The following INTS2 variants were observed in gnomAD, a reference collection of about 807,000 sequenced individuals.
The protein encoded by INTS2 is integrator complex subunit 2, also known as KIAA1287.
INTS2 carries 57 observed loss-of-function variants against 139.6 expected under a neutral mutation model. The observed-to-expected ratio is 0.41, with a 90% CI of 0.33 to 0.51. INTS2 has a LOEUF of 0.51. INTS2 is among the 20% of genes least tolerant of loss of function. The probability of loss-of-function intolerance (pLI) is 0.28; values close to 1 mark genes in which losing one functional copy is unlikely to be tolerated. For missense variants in INTS2, 1,196 were observed against 1,436.7 expected (o/e 0.83, Z 2.71); for synonymous variants, 473 against 493.4 (o/e 0.96, Z 0.55).
rs992816976 is a variant in INTS2, at chr17:61,881,222, A to G, written c.2090-51T>C. On this transcript the variant is annotated intron_variant, in intron 16 of 24. Transcript: ENST00000251334. Reference sequence around the variant, plus strand: ...GGATTCTTCATGCTCAAACACCAGAAGCTTCCCCACCCCTCTCATTTTTAT... The same window carrying G: ...GGATTCTTCATGCTCAAACACCAGAGGCTTCCCCACCCCTCTCATTTTTAT... 8.5e-6 allele frequency: 12 copies of G among 1,415,264 alleles called. No homozygotes were observed. In the African/African-American group the frequency reaches 1.4e-4, roughly 17 times the overall value. The allele number at this position is 1,415,264 out of a possible 1,614,324, so 87.7% of individuals were successfully genotyped here.
Position 61,911,452 on chromosome 17 carries a change from GTTTC to G in INTS2, c.954+64_954+67del, listed in dbSNP as rs1014139476. On this transcript the variant is annotated intron_variant, in intron 7 of 24. Transcript: ENST00000251334. ...TGTCTAATGACATCATTCAAAAAATGTTTCTTTCTCTTTTAGCAGCTGCTAAAGT... is the reference window on the plus strand; with the variant it reads ...TGTCTAATGACATCATTCAAAAAATGTTTCTCTTTTAGCAGCTGCTAAAGT... 8 of 1,363,458 alleles carry G rather than the reference GTTTC, an allele frequency of 5.9e-6. No homozygotes were observed. In the African/African-American group the frequency reaches 1.2e-4, roughly 20 times the overall value. 84.5% of individuals were successfully genotyped at this position (1,363,458 alleles called of 1,614,324 possible). A position where few individuals can be genotyped will look rare whatever the true frequency, so the allele number is the denominator to read the frequency against.
At chr17:61,922,987 G>T (rs1266607600) in intron 3 of INTS2, among the ~76,000 whole-genome samples, 2 of 151,726 alleles carry the variant, frequency 1.3e-5, no homozygotes, top group African/African-American at 4.8e-5. Flanking sequence ...TGAGGCAGGA[G>T]AATCGCTTTA....
rs78460850 is a variant in INTS2 at position 61,909,823 on chromosome 17, A to ATG, written c.954+1695_954+1696dup. ...TATACGTGTGTGTGTACATGTGTGT[A>ATG]TGTGTGTGTGTGTGTGTGTGTGTGT... On this transcript the variant is annotated intron_variant, in intron 7 of 24. Transcript: ENST00000251334. The surrounding 1 kb of genome is among the most constrained non-coding windows in gnomAD (Gnocchi z 4.9). Among the ~76,000 whole-genome samples, 1,583 of 138,846 alleles carry ATG rather than the reference A, an allele frequency of 0.011. 13 individuals carry two copies. The highest frequency in any genetic ancestry group is 0.023 in the Middle Eastern group (6 of 264). The allele number at this position is 138,846 out of a possible 152,430, so 91.1% of individuals were successfully genotyped here.
intron 3 of INTS2, among the ~76,000 whole-genome samples, chr17:61,924,617 G>A (rs56794817): frequency 0.17 from 25,236 of 152,022 alleles, 2,529 homozygotes; most frequent in East Asian, 0.53. Context: ...TCAGGAGTTC[G>A]AGACCAGCCT....
At chr17:61,922,844 G>A (rs1285983802) in intron 3 of INTS2, among the ~76,000 whole-genome samples, 7 of 151,504 alleles carry the variant, frequency 4.6e-5, no homozygotes, top group East Asian at 2.0e-4. Flanking sequence ...TTGGGAGGCC[G>A]AGGTGGGAGG....
At chr17:61,874,869 A>C in intron 19 of INTS2, 44 bp downstream of exon 19, 2 of 1,424,168 alleles carry the variant, frequency 1.4e-6, no homozygotes, top group South Asian at 1.6e-5. Context: ...TTGACTCTCC[A>C]AAGTACAGCT....
At chr17:61,885,880 C>A (rs975740004) in intron 15 of INTS2, among the ~76,000 whole-genome samples, 1 of 151,532 alleles carries the variant, frequency 6.6e-6, no homozygotes. Context: ...AAGCGCCCAC[C>A]ACCACGCCCA....
chr17:61,922,531 T>C (rs868780581), intron 3 of INTS2, among the ~76,000 whole-genome samples: 2 of 115,712 alleles, frequency 1.7e-5, no homozygotes, highest in Admixed American at 7.9e-5. Context: ...TATATATATA[T>C]ATATATATAT....
In INTS2 at chr17:61,882,240, T is replaced by G. The variant is rs796800955; in HGVS notation, c.2090-1069A>C. Among the ~76,000 whole-genome samples, 15 of 152,244 alleles carry G rather than the reference T, an allele frequency of 9.9e-5. No individual in the cohort carries two copies. The highest frequency in any genetic ancestry group is 3.6e-4 in the African/African-American group (15 of 41,552). ...AGACATTTATTAACATTAACAACCC[T>G]AAAGTCACACAGTCACATATGTCAG... On this transcript the variant is annotated intron_variant, in intron 16 of 24. Coordinates refer to ENST00000251334, the MANE Select transcript of INTS2 (RefSeq NM_001351695.2). The surrounding 1 kb of genome is among the most constrained non-coding windows in gnomAD (Gnocchi z 4.7).
intron 9 of INTS2, among the ~76,000 whole-genome samples, chr17:61,898,180 A>T (rs184739541): frequency 1.4e-3 from 215 of 152,358 alleles, no homozygotes; most frequent in Non-Finnish European, 2.5e-3. Flanking sequence ...TGGAAAAATG[A>T]AATTTAATTT....
At chr17:61,889,497 G>A (rs2079268239) in intron 15 of INTS2, among the ~76,000 whole-genome samples, 1 of 152,136 alleles carries the variant, frequency 6.6e-6, no homozygotes, top group Non-Finnish European at 1.5e-5. Context: ...TCCATCAGGT[G>A]TTAAATTTAT....
chr17:61,924,533 A>G (rs778798747), intron 3 of INTS2, among the ~76,000 whole-genome samples: 6 of 152,282 alleles, frequency 3.9e-5, no homozygotes, highest in Non-Finnish European at 8.8e-5. Flanking sequence ...ATAAAAGTAG[A>G]GAAGGCCGGG....
chr17:61,911,394 A>C lies in INTS2; in HGVS notation c.954+126T>G, dbSNP rs2079524885. The C allele has an allele frequency of 1.3e-5, 9 of 673,338 alleles. No homozygotes were observed. In the South Asian group the frequency reaches 3.8e-4, roughly 29 times the overall value. 41.7% of individuals were successfully genotyped at this position (673,338 alleles called of 1,614,324 possible). ...CTTAGTGATTTTTTAAAATATAAGG[A>C]GGTCCCTGAAACTAGAAAGTGTGAG... On this transcript the variant is annotated intron_variant, in intron 7 of 24. Coordinates refer to ENST00000251334, the MANE Select transcript of INTS2 (RefSeq NM_001351695.2).
intron 9 of INTS2, among the ~76,000 whole-genome samples, chr17:61,901,929 G>A (rs149530691): frequency 6.6e-6 from 1 of 152,230 alleles, no homozygotes; most frequent in East Asian, 1.9e-4. Flanking sequence ...TATGTGTGAA[G>A]TAAATTCTTT....
chr17:61,886,436 T>A (rs1428755736), intron 15 of INTS2, among the ~76,000 whole-genome samples: 3 of 152,206 alleles, frequency 2.0e-5, no homozygotes, highest in Non-Finnish European at 4.4e-5. Context: ...TTCTTCTAAG[T>A]CCATTTTAAT....
rs2079064660 is a variant in INTS2, at chr17:61,868,596, T to C, written c.3244+438A>G. ...CCAGAAGGTGGTTAAAATATCAGAATATGTTTTAGAACTTATGAAGACATC... is the reference window on the plus strand; with the variant it reads ...CCAGAAGGTGGTTAAAATATCAGAACATGTTTTAGAACTTATGAAGACATC... On this transcript the variant is annotated intron_variant, in intron 23 of 24. Coordinates refer to ENST00000251334, the MANE Select transcript of INTS2 (RefSeq NM_001351695.2). This position sits in a 1 kb window ranked among gnomAD's most constrained non-coding sequence, Gnocchi z 4.7. Among the ~76,000 whole-genome samples the C allele has an allele frequency of 6.6e-6, 1 of 152,194 alleles. No homozygotes were observed. The highest frequency in any genetic ancestry group is 2.4e-5 in the African/African-American group (1 of 41,458).
intron 5 of INTS2, among the ~76,000 whole-genome samples, chr17:61,915,814 T>C (rs1207585589): frequency 2.2e-5 from 2 of 90,968 alleles, no homozygotes; most frequent in Middle Eastern, 0.013. Flanking sequence ...CAAGACTCTG[T>C]CTAAAAAAAA....
chr17:61,879,697 A>C (rs1455005346), intron 17 of INTS2, among the ~76,000 whole-genome samples: 2 of 152,040 alleles, frequency 1.3e-5, no homozygotes, highest in Non-Finnish European at 2.9e-5. Context: ...AAAAATACAA[A>C]AAGTAGCTGG....
At chr17:61,910,616 T>G (rs1206623870) in intron 7 of INTS2, 1 of 151,236 alleles carries the variant, frequency 6.6e-6, no homozygotes, top group Non-Finnish European at 1.5e-5. Flanking sequence ...AAAATAGTTC[T>G]GGAAACGAAG....
Sources: allele counts gnomAD v4.1 joint callset (sites outside exome capture counted in the v4.1 genomes callset), GRCh38; gene constraint gnomAD v4.1.1; non-coding constraint Gnocchi (gnomAD v3.1); transcripts MANE v1.5; gene names NCBI Gene and HGNC (gene_info 2026-07-23, HGNC 2026-07-21).